TTC39B: variants seen among roughly 807,000 people sequenced by gnomAD.
TTC39B encodes tetratricopeptide repeat domain 39B.
A neutral mutation model predicts 96.6 loss-of-function variants in TTC39B; 92 were observed. The observed-to-expected ratio is 0.95, with a 90% confidence interval of 0.80 to 1.13. TTC39B has a LOEUF of 1.13. Ranked by LOEUF, TTC39B falls within the 50% of genes most tolerant of loss-of-function variation. TTC39B has a pLI of 0.00. For synonymous variants in TTC39B, 367 were observed against 299.4 expected (o/e 1.23, Z -2.33); for missense variants, 955 against 809.3 (o/e 1.18, Z -2.18).
rs558630353 is a variant in TTC39B at position 15,217,468 on chromosome 9, G to A, written c.372-3219C>T. On this transcript the variant is annotated intron_variant, in intron 3 of 19. Transcript: ENST00000512701. ...CCGAGCACATAAACTCAGCTCTTCT[G>A]AGTGGTTTACGATGATGCTCACCTG... Among the ~76,000 whole-genome samples, 12 of 152,214 alleles carry A rather than the reference G, an allele frequency of 7.9e-5. No individual in the cohort carries two copies. In the South Asian group the frequency reaches 2.5e-3, roughly 32 times the overall value.
intron 17 of TTC39B, among the ~76,000 whole-genome samples, 163 bp from the exon 18 acceptor site, chr9:15,177,977 C>T (rs1818043192): frequency 6.7e-6 from 1 of 150,320 alleles, no homozygotes; most frequent in South Asian, 2.1e-4. Flanking sequence ...TCACGCCATT[C>T]TCCTGCCTCA....
At chr9:15,191,287 T>C in intron 9 of TTC39B, 32 bp from the exon 10 acceptor site, 1 of 1,482,714 alleles carries the variant, frequency 6.7e-7, no homozygotes, top group Non-Finnish European at 9.2e-7. Context: ...TGTACTTATG[T>C]GTTAGTGTTT....
intron 18 of TTC39B, 62 bp downstream of exon 18, chr9:15,177,635 C>A (rs1818011919): frequency 5.3e-6 from 6 of 1,137,648 alleles, no homozygotes; most frequent in South Asian, 1.4e-5. Flanking sequence ...GCATCACTTT[C>A]TCACAGCAAT....
At chr9:15,234,439 C>A (rs529047705) in intron 2 of TTC39B, among the ~76,000 whole-genome samples, 1 of 151,760 alleles carries the variant, frequency 6.6e-6, no homozygotes, top group Admixed American at 6.6e-5. Context: ...CCAGCCGCCC[C>A]GTCTGGGAGG....
intron 2 of TTC39B, among the ~76,000 whole-genome samples, chr9:15,235,023 C>CAATAAATAAATAAATAAATG (rs1821707367): frequency 1.4e-5 from 2 of 145,054 alleles, no homozygotes; most frequent in African/African-American, 5.1e-5. Flanking sequence ...CAAGAATGAT[C>CAATAAATAAATAAATAAATG]AATAAATAAA....
intron 1 of TTC39B, among the ~76,000 whole-genome samples, chr9:15,273,798 T>C (rs937993902): frequency 6.6e-6 from 1 of 152,208 alleles, no homozygotes; most frequent in Non-Finnish European, 1.5e-5. Context: ...TTGAGAACTC[T>C]GGCAAGTCAT....
exon 15 of TTC39B, chr9:15,187,026 C>T (rs758521794): frequency 1.9e-6 from 3 of 1,610,858 alleles, no homozygotes; most frequent in Non-Finnish European, 2.5e-6. Flanking sequence ...TTCAAGAACA[C>T]ATAAGTTGCC....
At chr9:15,272,123 T>A (rs963076696) in intron 1 of TTC39B, among the ~76,000 whole-genome samples, 1 of 152,152 alleles carries the variant, frequency 6.6e-6, no homozygotes, top group Non-Finnish European at 1.5e-5. Flanking sequence ...TCAAATTCTA[T>A]CCCTTTTCTG....
intron 1 of TTC39B, among the ~76,000 whole-genome samples, chr9:15,284,561 A>T (rs1266533000): frequency 3.9e-5 from 6 of 152,350 alleles, no homozygotes; most frequent in African/African-American, 1.4e-4. Flanking sequence ...GTGAAAACAT[A>T]TCTCTAAAAT....
intron 2 of TTC39B, among the ~76,000 whole-genome samples, chr9:15,226,673 T>G (rs1821139679): frequency 6.6e-6 from 1 of 152,172 alleles, no homozygotes; most frequent in Non-Finnish European, 1.5e-5. Flanking sequence ...AATTTCCCAC[T>G]AAATACACAC....
At chr9:15,224,557 G>C (rs1160824682) in intron 3 of TTC39B, 1 of 152,204 alleles carries the variant, frequency 6.6e-6, no homozygotes, top group Non-Finnish European at 1.5e-5. Context: ...GCATGCTAAA[G>C]ACTTCCAGTC....
At chr9:15,175,102 C>T (rs1428205414) in exon 19 of TTC39B, 1 of 1,613,578 alleles carries the variant, frequency 6.2e-7, no homozygotes, top group Non-Finnish European at 8.5e-7. Context: ...GAGTGAACGG[C>T]ACTAGGTAGT....
At chr9:15,225,399 AT>A (rs1821068105) in intron 3 of TTC39B, among the ~76,000 whole-genome samples, 1 of 152,182 alleles carries the variant, frequency 6.6e-6, no homozygotes, top group African/African-American at 2.4e-5. Flanking sequence ...CTTAAAATAT[AT>A]TTTTAAACCA....
At chr9:15,258,140 A>C (rs769733756) in intron 2 of TTC39B, among the ~76,000 whole-genome samples, 4 of 152,198 alleles carry the variant, frequency 2.6e-5, no homozygotes, top group Non-Finnish European at 5.9e-5. Flanking sequence ...GGGAGAGAAC[A>C]AAAGAAGCGG....
chr9:15,201,167 A>G (rs1212144612), intron 7 of TTC39B, among the ~76,000 whole-genome samples: 1 of 152,180 alleles, frequency 6.6e-6, no homozygotes, highest in South Asian at 2.1e-4. Flanking sequence ...TATGAAATTC[A>G]ATGTTTATCT....
intron 6 of TTC39B, among the ~76,000 whole-genome samples, chr9:15,207,114 T>C (rs946273747): frequency 3.3e-5 from 5 of 152,152 alleles, no homozygotes; most frequent in African/African-American, 9.7e-5. Context: ...TTTCCTGAGG[T>C]CTCCCCAGCT....
At chr9:15,265,909 A>G (rs1823113247) in intron 2 of TTC39B, among the ~76,000 whole-genome samples, 1 of 152,208 alleles carries the variant, frequency 6.6e-6, no homozygotes, top group African/African-American at 2.4e-5. Context: ...AAAACTGTCA[A>G]GGTCACCGAA....
At chr9:15,290,163 A>G in intron 1 of TTC39B, among the ~76,000 whole-genome samples, 1 of 152,210 alleles carries the variant, frequency 6.6e-6, no homozygotes, top group South Asian at 2.1e-4. Context: ...ATGGTTAGAG[A>G]AATCCTTATA....
chr9:15,190,453 C>T (rs193238333), intron 11 of TTC39B, 101 bp downstream of exon 11: 9 of 1,013,052 alleles, frequency 8.9e-6, no homozygotes, highest in Non-Finnish European at 1.4e-5. Flanking sequence ...TCAACTGATC[C>T]TCCCACCTCA....
Sources: allele counts gnomAD v4.1 joint callset (sites outside exome capture counted in the v4.1 genomes callset), GRCh38; gene constraint gnomAD v4.1.1; transcripts MANE v1.5; gene names NCBI Gene and HGNC (gene_info 2026-07-23, HGNC 2026-07-21).